Variants in NCALD observed in about 807,000 individuals in gnomAD.
NCALD encodes the protein neurocalcin delta.
NCALD carries 10 observed loss-of-function variants against 18.6 expected under a neutral mutation model. The observed-to-expected ratio is 0.54, with a 90% CI of 0.33 to 0.91. NCALD has a LOEUF of 0.91. Ranked by LOEUF, NCALD falls within the 40% of genes least tolerant of loss-of-function variation. NCALD has a pLI of 0.03. For missense variants in NCALD, 184 were observed against 247.6 expected (o/e 0.74, Z 1.72); for synonymous variants, 88 against 87.4 (o/e 1.01, Z -0.04).
intron 2 of NCALD, among the ~76,000 whole-genome samples, chr8:101,960,204 C>A (rs1206091399): frequency 1.3e-5 from 2 of 152,122 alleles, no homozygotes; most frequent in Non-Finnish European, 2.9e-5. Context: ...GCCCACCATA[C>A]CATTCTGGTG....
intron 2 of NCALD, among the ~76,000 whole-genome samples, chr8:101,934,440 T>A (rs1818685917): frequency 6.6e-6 from 1 of 151,346 alleles, no homozygotes; most frequent in African/African-American, 2.4e-5. Context: ...GTGAGAAGAA[T>A]GGAGAAATAA....
intron 1 of NCALD, among the ~76,000 whole-genome samples, chr8:101,735,460 T>TC (rs1175055349): frequency 6.6e-6 from 1 of 152,144 alleles, no homozygotes; most frequent in Non-Finnish European, 1.5e-5. Context: ...CATCCTCTTC[T>TC]CTTCCCCAGC....
At chr8:101,977,751 C>T (rs774520936) in intron 2 of NCALD, among the ~76,000 whole-genome samples, 2 of 152,198 alleles carry the variant, frequency 1.3e-5, no homozygotes, top group Non-Finnish European at 2.9e-5. Context: ...AGACAGGTAT[C>T]TGCCCTTCCA....
chr8:101,725,242 C>T (rs1178504227), intron 1 of NCALD, among the ~76,000 whole-genome samples: 1 of 152,180 alleles, frequency 6.6e-6, no homozygotes, highest in Non-Finnish European at 1.5e-5. Flanking sequence ...TCTCAGCTGG[C>T]AGAGAGACAA....
At chr8:101,915,826 C>T (rs952883668) in exon 3 of NCALD, 61 of 152,162 alleles carry the variant, frequency 4.0e-4, no homozygotes, top group African/African-American at 1.0e-3. Flanking sequence ...CTGTCAGCAA[C>T]GAGTGGTCCC....
chr8:101,795,860 G>C (rs942229457), upstream of NCALD, among the ~76,000 whole-genome samples: 5 of 152,182 alleles, frequency 3.3e-5, no homozygotes, highest in Non-Finnish European at 7.3e-5. Context: ...GAAAAAAATG[G>C]AATCACAGAG....
At chr8:101,846,409 T>C (rs1209011917) in intron 4 of NCALD, among the ~76,000 whole-genome samples, 1 of 152,194 alleles carries the variant, frequency 6.6e-6, no homozygotes, top group African/African-American at 2.4e-5. Context: ...CTGAGAAGAA[T>C]GGAAGATAGT....
intron 2 of NCALD, among the ~76,000 whole-genome samples, chr8:101,970,394 G>T (rs932184938): frequency 2.6e-5 from 4 of 151,878 alleles, no homozygotes; most frequent in Non-Finnish European, 4.4e-5. Flanking sequence ...ATATTTCCTT[G>T]CAAATTTTCC....
intron 1 of NCALD, among the ~76,000 whole-genome samples, chr8:102,065,138 A>C (rs1420083233): frequency 6.6e-6 from 1 of 152,166 alleles, no homozygotes; most frequent in East Asian, 1.9e-4. Flanking sequence ...AGAAGAAAGA[A>C]ACAGTTGGAG....
chr8:101,918,331 C>T (rs1465925981), intron 2 of NCALD, among the ~76,000 whole-genome samples: 1 of 152,048 alleles, frequency 6.6e-6, no homozygotes, highest in Non-Finnish European at 1.5e-5. Context: ...GAACATACCT[C>T]AAAATATTAA....
chr8:101,887,323 G>T (rs970008435), intron 3 of NCALD: 4 of 152,114 alleles, frequency 2.6e-5, no homozygotes, highest in Non-Finnish European at 5.9e-5. Flanking sequence ...TTTTGTAGTT[G>T]CCTTTGCAAA....
intron 2 of NCALD, among the ~76,000 whole-genome samples, chr8:101,943,493 A>C (rs1003732742): frequency 6.6e-6 from 1 of 152,216 alleles, no homozygotes; most frequent in Non-Finnish European, 1.5e-5. Flanking sequence ...GATTAGAAGC[A>C]GAAGAAAACC....
intron 2 of NCALD, among the ~76,000 whole-genome samples, chr8:101,973,099 TCTAA>T (rs1262236301): frequency 1.3e-5 from 2 of 152,104 alleles, no homozygotes; most frequent in Non-Finnish European, 2.9e-5. Context: ...GGGCCAGCAC[TCTAA>T]CAAGGAAAGC....
At chr8:102,009,797 A>T (rs1821842847) in intron 2 of NCALD, among the ~76,000 whole-genome samples, 1 of 152,230 alleles carries the variant, frequency 6.6e-6, no homozygotes, top group African/African-American at 2.4e-5. Context: ...CATGGTAACC[A>T]CATGATTCAG....
At chr8:101,726,137 G>A (rs1185567405) in intron 1 of NCALD, among the ~76,000 whole-genome samples, 1 of 152,188 alleles carries the variant, frequency 6.6e-6, no homozygotes, top group Non-Finnish European at 1.5e-5. Context: ...TGAGGTGGGG[G>A]AGGAGATGAC....
intron 2 of NCALD, among the ~76,000 whole-genome samples, chr8:101,999,144 T>C (rs1248222422): frequency 2.0e-5 from 3 of 148,084 alleles, no homozygotes; most frequent in Non-Finnish European, 3.0e-5. Flanking sequence ...ATAAGTCCCA[T>C]GGATGCTTGA....
intron 4 of NCALD, among the ~76,000 whole-genome samples, chr8:101,827,913 G>A (rs558750101): frequency 6.6e-6 from 1 of 152,154 alleles, no homozygotes; most frequent in African/African-American, 2.4e-5. Context: ...CAAAATGGAC[G>A]TGGTTCATTT....
intron 4 of NCALD, among the ~76,000 whole-genome samples, chr8:101,837,567 G>A (rs1182713592): frequency 6.6e-6 from 1 of 152,122 alleles, no homozygotes; most frequent in Non-Finnish European, 1.5e-5. Context: ...CTTTCCCACT[G>A]GGGCTACTGC....
intron 2 of NCALD, among the ~76,000 whole-genome samples, chr8:102,010,451 T>C (rs1253430084): frequency 6.6e-6 from 1 of 152,224 alleles, no homozygotes; most frequent in Admixed American, 6.5e-5. Flanking sequence ...TTTGGTTTTT[T>C]AATTAAAATT....
Sources: gnomAD v4.1 joint callset for allele counts (sites outside exome capture counted in the v4.1 genomes callset) on GRCh38, gnomAD v4.1.1 for gene constraint, MANE v1.5 for transcripts, NCBI Gene and HGNC (gene_info 2026-07-23, HGNC 2026-07-21) for gene names.